The following DHRSX variants were observed in gnomAD, a reference collection of about 807,000 sequenced individuals.
DHRSX encodes the protein dehydrogenase/reductase X-linked.
DHRSX carries 31 observed loss-of-function variants against 34.0 expected under a neutral mutation model. The observed-to-expected ratio is 0.91, with a 90% CI of 0.69 to 1.23. The LOEUF is 1.23. Among genes scored for constraint, DHRSX ranks in the 50% most tolerant of loss-of-function variants. The pLI, the probability that DHRSX is intolerant of heterozygous loss-of-function variation, is 0.00. For missense variants in DHRSX, 414 were observed against 428.1 expected (o/e 0.97, Z 0.29); for synonymous variants, 201 against 183.8 (o/e 1.09, Z -0.76).
intron 3 of DHRSX, among the ~76,000 whole-genome samples, chrX:2,295,066 C>T (rs2041916209): frequency 6.6e-6 from 1 of 152,104 alleles, no homozygotes; most frequent in South Asian, 2.1e-4. Context: ...CCATCAATCC[C>T]GTTACTGGGT....
intron 1 of DHRSX, among the ~76,000 whole-genome samples, chrX:2,496,190 T>C (rs2045280439): frequency 6.6e-6 from 1 of 152,004 alleles, no homozygotes; most frequent in Non-Finnish European, 1.5e-5. Context: ...ATTTTTGTTT[T>C]TGTTTTTTTG....
rs145777961 is a variant in DHRSX, at chrX:2,315,645, G to A, written c.287-24042C>T. Among the ~76,000 whole-genome samples the A allele has an allele frequency of 4.6e-3, 703 of 152,162 alleles. 6 individuals carry two copies. Among genetic ancestry groups the A allele is most frequent in the African/African-American group, 0.016 (674 of 41,538 alleles). ...TGCTGCGTAACAAAACGCCCCAAAC[G>A]TAGTAGTTTAAAAAACAACACCCCT... On this transcript the variant is annotated intron_variant, in intron 3 of 6. Transcript: ENST00000334651.
At chrX:2,440,146 A>G (rs1001727639) in intron 1 of DHRSX, among the ~76,000 whole-genome samples, 1 of 152,188 alleles carries the variant, frequency 6.6e-6, no homozygotes, top group African/African-American at 2.4e-5. Flanking sequence ...AAAGTTTGCC[A>G]ACGGCTGTAC....
chrX:2,454,270 T>A (rs1252815572), intron 1 of DHRSX, among the ~76,000 whole-genome samples: 2 of 152,128 alleles, frequency 1.3e-5, no homozygotes, highest in Admixed American at 1.3e-4. Context: ...CTCACGCCTG[T>A]CATCCCAGCA....
chrX:2,445,491 T>G (rs1336809661), intron 1 of DHRSX, among the ~76,000 whole-genome samples: 1 of 152,208 alleles, frequency 6.6e-6, no homozygotes, highest in Admixed American at 6.5e-5. Flanking sequence ...TGCTACTATC[T>G]GAAAGTTTGT....
At chrX:2,276,058 G>A (rs1293826675) in intron 4 of DHRSX, among the ~76,000 whole-genome samples, 1 of 152,102 alleles carries the variant, frequency 6.6e-6, no homozygotes, top group Non-Finnish European at 1.5e-5. Context: ...TGGCCAGGAT[G>A]GTCTCGAACT....
intron 3 of DHRSX, among the ~76,000 whole-genome samples, chrX:2,338,893 C>T (rs1289734316): frequency 6.6e-6 from 1 of 152,106 alleles, no homozygotes; most frequent in African/African-American, 2.4e-5. Flanking sequence ...TAGTGATGAC[C>T]GTCCTGACAA....
chrX:2,283,571 G>A (rs1407461617), intron 4 of DHRSX, among the ~76,000 whole-genome samples: 3 of 152,058 alleles, frequency 2.0e-5, no homozygotes, highest in Non-Finnish European at 1.5e-5. Context: ...GGCTGCTCAG[G>A]TGTCCGTCCA....
At chrX:2,224,052 C>A (rs1158734425) in intron 6 of DHRSX, among the ~76,000 whole-genome samples, 1 of 152,230 alleles carries the variant, frequency 6.6e-6, no homozygotes, top group African/African-American at 2.4e-5. Context: ...GAGATGTTCA[C>A]CCACACTGTG....
rs182149134 is a variant in DHRSX at position 2,415,299 on chromosome X, C to T, written c.218-6486G>A. On this transcript the variant is annotated intron_variant, in intron 2 of 6. Coordinates refer to ENST00000334651, the MANE Select transcript of DHRSX (RefSeq NM_145177.3). Reference sequence around the variant, plus strand: ...TACAACTAGATTTCATTATGACCACCGCATCTGGACCTCATCATAACCTAA... The same window carrying T: ...TACAACTAGATTTCATTATGACCACTGCATCTGGACCTCATCATAACCTAA... Among the ~76,000 whole-genome samples, 56 of 151,702 alleles carry T rather than the reference C, an allele frequency of 3.7e-4. 1 individual carries two copies. In the East Asian group the frequency reaches 9.9e-3, roughly 27 times the overall value.
chrX:2,345,483 A>ATG, intron 3 of DHRSX, among the ~76,000 whole-genome samples: 1 of 151,874 alleles, frequency 6.6e-6, no homozygotes, highest in African/African-American at 2.4e-5. Flanking sequence ...TCTCTACCAA[A>ATG]AAAATAAAAA....
At chrX:2,390,071 G>A (rs1181132606) in intron 3 of DHRSX, among the ~76,000 whole-genome samples, 10 of 143,492 alleles carry the variant, frequency 7.0e-5, no homozygotes, top group South Asian at 2.3e-4. Flanking sequence ...ATGAACCACC[G>A]TGCCCGGCCT....
chrX:2,360,792 G>A (rs190716411), intron 3 of DHRSX, among the ~76,000 whole-genome samples: 6 of 151,978 alleles, frequency 3.9e-5, no homozygotes, highest in Admixed American at 3.9e-4. Flanking sequence ...GCTTAGACAG[G>A]GAACATGGCT....
intron 1 of DHRSX, among the ~76,000 whole-genome samples, chrX:2,469,001 A>G (rs921345402): frequency 2.0e-5 from 3 of 151,968 alleles, no homozygotes; most frequent in African/African-American, 4.8e-5. Context: ...GAATGCCGCT[A>G]AAAGACAGCA....
chrX:2,366,422 A>T (rs1258468793), intron 3 of DHRSX, among the ~76,000 whole-genome samples: 4 of 152,054 alleles, frequency 2.6e-5, no homozygotes, highest in African/African-American at 9.7e-5. Context: ...CCTGGGCAAC[A>T]AGAGCGAAAC....
chrX:2,359,536 T>C, intron 3 of DHRSX, among the ~76,000 whole-genome samples: 1 of 151,848 alleles, frequency 6.6e-6, no homozygotes, highest in East Asian at 1.9e-4. Flanking sequence ...AAAAATTAGC[T>C]GGGCGTGGGG....
In DHRSX at chrX:2,500,901, C is replaced by G; in HGVS notation, c.25G>C (p.Ala9Pro). MSPLSAAR[A>P]ALRVYAVGAA... ...CCTACCGCGTAGACCCGCAGGGCCG[C>G]CCGCGCCGCAGACAATGGCGACATG... Residue 9 changes from alanine to proline, a missense_variant, in exon 1 of 7, where the codon GCG becomes CCG. Ala to Pro is a conservative substitution (Grantham distance 27). Transcript: ENST00000334651. The G allele has an allele frequency of 8.9e-7, 1 of 1,127,160 alleles. No homozygotes were observed. Among genetic ancestry groups the G allele is most frequent in the Non-Finnish European group, 1.1e-6 (1 of 917,998 alleles). 69.8% of individuals were successfully genotyped at this position (1,127,160 alleles called of 1,614,324 possible).
At chrX:2,445,461 T>C (rs1442901003) in intron 1 of DHRSX, among the ~76,000 whole-genome samples, 1 of 152,160 alleles carries the variant, frequency 6.6e-6, no homozygotes, top group African/African-American at 2.4e-5. Flanking sequence ...CATTACTGTA[T>C]TTTTTTAAAG....
intron 2 of DHRSX, among the ~76,000 whole-genome samples, chrX:2,411,036 G>C (rs1429423217): frequency 6.6e-6 from 1 of 152,112 alleles, no homozygotes; most frequent in Non-Finnish European, 1.5e-5. Context: ...ACGGGAGGGA[G>C]AGGAAGAAAT....
Sources: gnomAD v4.1 joint callset for allele counts (sites outside exome capture counted in the v4.1 genomes callset) on GRCh38, gnomAD v4.1.1 for gene constraint, MANE v1.5 for transcripts, NCBI Gene and HGNC (gene_info 2026-07-23, HGNC 2026-07-21) for gene names.